The following NBEA variants were observed in gnomAD, a reference collection of about 807,000 sequenced individuals.
NBEA encodes the protein neurobeachin.
NBEA carries 44 observed loss-of-function variants against 343.4 expected under a neutral mutation model. The observed-to-expected ratio is 0.13, with a 90% CI of 0.10 to 0.16. NBEA has a LOEUF of 0.16. Ranked by LOEUF, NBEA falls within the 10% of genes least tolerant of loss-of-function variation. NBEA has a pLI of 1.00. For missense variants in NBEA, 2,555 were observed against 3,631.3 expected (o/e 0.70, Z 7.62); for synonymous variants, 1,175 against 1,238.7 (o/e 0.95, Z 1.08).
At chr13:35,355,029 TA>T (rs1468450966) in intron 38 of NBEA, among the ~76,000 whole-genome samples, 2 of 152,162 alleles carry the variant, frequency 1.3e-5, no homozygotes, top group Non-Finnish European at 2.9e-5. Context: ...TCTGAGGCCA[TA>T]AATGTTGCTC....
At chr13:35,583,034 CTT>C (rs1173401749) in intron 45 of NBEA, among the ~76,000 whole-genome samples, 1 of 152,138 alleles carries the variant, frequency 6.6e-6, no homozygotes, top group African/African-American at 2.4e-5. Flanking sequence ...TAGTATGCAA[CTT>C]AAATCAAAAT....
chr13:35,155,958 C>G, intron 19 of NBEA, 103 bp downstream of exon 19: 2 of 1,475,426 alleles, frequency 1.4e-6, no homozygotes, highest in Non-Finnish European at 1.9e-6. Context: ...TGGTGTTTAC[C>G]TAGTTCATGA....
chr13:35,231,782 A>G (rs2074988173), intron 33 of NBEA, among the ~76,000 whole-genome samples: 1 of 152,258 alleles, frequency 6.6e-6, no homozygotes, highest in South Asian at 2.1e-4. Context: ...TAGTCTAAGC[A>G]GTCTTACTCC....
At chr13:35,012,134 A>T (rs1207151116) in intron 1 of NBEA, among the ~76,000 whole-genome samples, 2 of 152,240 alleles carry the variant, frequency 1.3e-5, no homozygotes, top group Middle Eastern at 3.2e-3. Flanking sequence ...AATAGTACAG[A>T]CTGGGTAATT....
chr13:34,980,729 A>G (rs1434622562), intron 1 of NBEA, among the ~76,000 whole-genome samples: 3 of 152,144 alleles, frequency 2.0e-5, no homozygotes, highest in Admixed American at 6.5e-5. Flanking sequence ...GTAGATTACA[A>G]TTAAGATGTT....
intron 41 of NBEA, among the ~76,000 whole-genome samples, chr13:35,478,616 C>A (rs918403770): frequency 1.3e-5 from 2 of 152,228 alleles, no homozygotes; most frequent in Admixed American, 1.3e-4. Flanking sequence ...TATTTGAAAA[C>A]CTTACTTGGT....
At chr13:35,619,794 G>C (rs537983139) in intron 48 of NBEA, among the ~76,000 whole-genome samples, 1 of 152,126 alleles carries the variant, frequency 6.6e-6, no homozygotes, top group Non-Finnish European at 1.5e-5. Context: ...CTATCTCTTG[G>C]AACTGCAGTG....
rs922135523 is a variant in NBEA, at chr13:34,987,087, C to A, written c.294+43973C>A. 4.0e-5 allele frequency among the ~76,000 whole-genome samples: 6 copies of A among 151,140 alleles called. No individual in the cohort carries two copies. The South Asian group carries it at 1.1e-3, about 27-fold the overall frequency. On this transcript the variant is annotated intron_variant, in intron 1 of 58. Coordinates refer to ENST00000379939, the MANE Select transcript of NBEA (RefSeq NM_001385012.1). ...CGGTTATTTTGCCCATTAGTTGATG[C>A]AGTTTCTTCCTAGCATTGATGGTCT... is the stretch of plus-strand genomic sequence containing the variant.
chr13:35,474,266 A>G (rs1251893109), intron 41 of NBEA: 3 of 152,622 alleles, frequency 2.0e-5, no homozygotes, highest in Non-Finnish European at 4.4e-5. Flanking sequence ...TAAAATCTAA[A>G]TCACAAAAGT....
chr13:35,156,328 C>A, intron 20 of NBEA, 122 bp downstream of exon 20: 1 of 963,140 alleles, frequency 1.0e-6, no homozygotes, highest in Non-Finnish European at 1.5e-6. Context: ...TCAGAAAAGG[C>A]ATTTTATGTT....
chr13:35,065,861 A>G (rs1245054919), intron 8 of NBEA, among the ~76,000 whole-genome samples: 2 of 152,116 alleles, frequency 1.3e-5, no homozygotes, highest in Non-Finnish European at 2.9e-5. Flanking sequence ...CTAACATCCC[A>G]GTTTGGACAG....
At chr13:35,051,106 C>A (rs768926975) in intron 6 of NBEA, among the ~76,000 whole-genome samples, 7 of 151,926 alleles carry the variant, frequency 4.6e-5, no homozygotes, top group Non-Finnish European at 8.8e-5. Context: ...ATCTTTGTGT[C>A]AGAATAACAA....
At chr13:35,661,553 G>A (rs2085090240) in intron 55 of NBEA, among the ~76,000 whole-genome samples, 1 of 152,056 alleles carries the variant, frequency 6.6e-6, no homozygotes, top group South Asian at 2.1e-4. Context: ...ATTATCTTGG[G>A]ACCTTGGGAA....
chr13:35,248,194 T>C (rs957988924), intron 34 of NBEA, among the ~76,000 whole-genome samples: 1 of 152,206 alleles, frequency 6.6e-6, no homozygotes, highest in Non-Finnish European at 1.5e-5. Flanking sequence ...TGAATATTAA[T>C]GCAAAAATCT....
rs182843825 is a variant in NBEA, at chr13:34,968,554, G to A, written c.294+25440G>A. Among the ~76,000 whole-genome samples, 31 of 152,180 alleles carry A rather than the reference G, an allele frequency of 2.0e-4. No individual in the cohort carries two copies. The East Asian group carries it at 5.8e-3, about 28-fold the overall frequency. The stretch of plus-strand genomic sequence containing the variant: ...AAATATATTTTAAATTATACGATAG[G>A]CAGCCATTACTGATATGTAAATGAA... On this transcript the variant is annotated intron_variant, in intron 1 of 58. Transcript: ENST00000379939.
chr13:35,214,717 T>C (rs2073967935), intron 33 of NBEA, among the ~76,000 whole-genome samples: 1 of 151,842 alleles, frequency 6.6e-6, no homozygotes, highest in Non-Finnish European at 1.5e-5. Flanking sequence ...CTCAAATAGT[T>C]TCGTCTTTTA....
chr13:35,539,796 G>A (rs2078726613), intron 41 of NBEA, among the ~76,000 whole-genome samples: 1 of 150,818 alleles, frequency 6.6e-6, no homozygotes, highest in Non-Finnish European at 1.5e-5. Flanking sequence ...GGCGCCTGTA[G>A]TCCCAGCTAC....
intron 44 of NBEA, among the ~76,000 whole-genome samples, chr13:35,561,356 A>G (rs2079848501): frequency 6.6e-6 from 1 of 152,168 alleles, no homozygotes; most frequent in African/African-American, 2.4e-5. Flanking sequence ...GTGTTACAGA[A>G]TTGGAATCTG....
intron 44 of NBEA, among the ~76,000 whole-genome samples, chr13:35,563,132 GAGATAGATAGATAGAT>G (rs3075543): frequency 1.6e-4 from 20 of 123,588 alleles, no homozygotes; most frequent in South Asian, 7.3e-4. Flanking sequence ...TGTGTGTGTG[GAGATAGATAGATAGAT>G]AGATAGATAG....
Sources: gnomAD v4.1 joint callset for allele counts (sites outside exome capture counted in the v4.1 genomes callset) on GRCh38, gnomAD v4.1.1 for gene constraint, MANE v1.5 for transcripts, NCBI Gene and HGNC (gene_info 2026-07-23, HGNC 2026-07-21) for gene names.